Variants in PIGL observed in about 807,000 individuals in gnomAD.
PIGL encodes N-acetylglucosaminyl-phosphatidylinositol de-N-acetylase.
PIGL carries 22 observed loss-of-function variants against 31.1 expected under a neutral mutation model. That is an observed-to-expected ratio of 0.71 (90% CI 0.51 to 1.01). The LOEUF is 1.01. PIGL is among the 50% of genes least tolerant of loss of function. The pLI is 0.00. For missense variants in PIGL, 302 were observed against 315.9 expected (o/e 0.96, Z 0.33); for synonymous variants, 131 against 117.4 (o/e 1.12, Z -0.75).
intron 2 of PIGL, among the ~76,000 whole-genome samples, chr17:16,236,271 C>A (rs573080064): frequency 1.3e-5 from 2 of 152,148 alleles, no homozygotes; most frequent in Admixed American, 6.6e-5. Flanking sequence ...TAGGAAATTA[C>A]GCGTTTTTAT....
chr17:16,226,044 G>A (rs1202464474), intron 1 of PIGL, among the ~76,000 whole-genome samples: 3 of 151,770 alleles, frequency 2.0e-5, no homozygotes, highest in African/African-American at 7.3e-5. Flanking sequence ...GGTGGCAGCT[G>A]CATGTAGTCT....
intron 2 of PIGL, among the ~76,000 whole-genome samples, chr17:16,286,925 C>G (rs2142806939): frequency 6.6e-6 from 1 of 152,346 alleles, no homozygotes; most frequent in South Asian, 2.1e-4. Flanking sequence ...CTGCAGCAGT[C>G]CGAACCTCTG....
intron 2 of PIGL, among the ~76,000 whole-genome samples, chr17:16,263,500 T>G (rs560027496): frequency 2.6e-5 from 4 of 151,498 alleles, no homozygotes; most frequent in Admixed American, 6.6e-5. Flanking sequence ...ATTGGTTTTT[T>G]TTTGTTTGTT....
At chr17:16,286,325 G>A (rs2092937504) in intron 2 of PIGL, among the ~76,000 whole-genome samples, 1 of 152,266 alleles carries the variant, frequency 6.6e-6, no homozygotes, top group African/African-American at 2.4e-5. Flanking sequence ...GCAGGGCTGG[G>A]TCTGGGGGAG....
chr17:16,306,789 A>G (rs1186688892), intron 3 of PIGL, among the ~76,000 whole-genome samples: 1 of 152,074 alleles, frequency 6.6e-6, no homozygotes, highest in Non-Finnish European at 1.5e-5. Context: ...TCTGCCTCCC[A>G]AAGTGCTGTG....
intron 2 of PIGL, among the ~76,000 whole-genome samples, chr17:16,253,645 C>T (rs543283309): frequency 2.0e-5 from 3 of 151,972 alleles, no homozygotes; most frequent in East Asian, 1.9e-4. Context: ...ATTCTTGTAA[C>T]AAAAATAGGT....
At chr17:16,269,217 G>A (rs1488354178) in intron 2 of PIGL, among the ~76,000 whole-genome samples, 2 of 152,252 alleles carry the variant, frequency 1.3e-5, no homozygotes, top group Admixed American at 6.5e-5. Flanking sequence ...ATAGGGCCAT[G>A]TGGTCTGTCA....
intron 2 of PIGL, among the ~76,000 whole-genome samples, chr17:16,253,406 A>G (rs576651950): frequency 1.3e-5 from 2 of 152,322 alleles, no homozygotes; most frequent in East Asian, 3.9e-4. Flanking sequence ...TCAAAGAAAC[A>G]ATTTATAGTT....
intron 4 of PIGL, among the ~76,000 whole-genome samples, chr17:16,315,237 A>G (rs542147387): frequency 5.2e-4 from 79 of 152,328 alleles, no homozygotes; most frequent in African/African-American, 1.8e-3. Context: ...TGCTTCAGAT[A>G]AAACAATTCA....
At chr17:16,220,148 A>T (rs1006368980) in intron 1 of PIGL, among the ~76,000 whole-genome samples, 19 of 151,876 alleles carry the variant, frequency 1.3e-4, no homozygotes, top group Admixed American at 3.9e-4. Context: ...AAGAGATCAA[A>T]ACCATCTTGG....
chr17:16,264,693 C>T (rs139497089), intron 2 of PIGL, among the ~76,000 whole-genome samples: 3,192 of 151,480 alleles, frequency 0.021, 112 homozygotes, highest in African/African-American at 0.073. Flanking sequence ...AGTGCAGTGG[C>T]GTGATCTCAG....
intron 3 of PIGL, among the ~76,000 whole-genome samples, chr17:16,308,043 A>G (rs1012162358): frequency 9.2e-5 from 14 of 152,096 alleles, no homozygotes; most frequent in African/African-American, 3.1e-4. Context: ...TTTTAAAAAG[A>G]AAAGCACAAG....
intron 3 of PIGL, among the ~76,000 whole-genome samples, chr17:16,303,606 T>C (rs1191449072): frequency 6.6e-6 from 1 of 152,056 alleles, no homozygotes; most frequent in Admixed American, 6.6e-5. Flanking sequence ...TGGCATGACC[T>C]CGGCTCACTG....
chr17:16,325,494 C>T (rs540462117), intron 6 of PIGL, among the ~76,000 whole-genome samples: 1 of 152,188 alleles, frequency 6.6e-6, no homozygotes, highest in African/African-American at 2.4e-5. Flanking sequence ...ACTTGATTCA[C>T]AGGGTTGTTA....
In PIGL at chr17:16,265,438, G is replaced by C. The variant is rs151198171; in HGVS notation, c.335+31368G>C. On this transcript the variant is annotated intron_variant, in intron 2 of 6. Coordinates refer to ENST00000225609, the MANE Select transcript of PIGL (RefSeq NM_004278.4). The stretch of plus-strand genomic sequence containing the variant: ...GAGTATTAGTCCCCACAACCTAACT[G>C]GCATCAAGAATCAGGGAAACCAGAC... Among the ~76,000 whole-genome samples the C allele has an allele frequency of 3.5e-4, 53 of 152,126 alleles. No homozygotes were observed. The East Asian group carries it at 0.01, about 29-fold the overall frequency.
chr17:16,269,815 C>G (rs948873200), intron 2 of PIGL, among the ~76,000 whole-genome samples: 1 of 151,874 alleles, frequency 6.6e-6, no homozygotes, highest in African/African-American at 2.4e-5. Context: ...TTGGGAACCT[C>G]TGGGCTGGAG....
intron 2 of PIGL, among the ~76,000 whole-genome samples, chr17:16,262,723 A>G (rs968205838): frequency 7.2e-5 from 11 of 152,318 alleles, no homozygotes; most frequent in African/African-American, 2.6e-4. Flanking sequence ...GTAAATGCCT[A>G]AAAGAATTGA....
chr17:16,246,852 A>AT (rs1289740692), intron 2 of PIGL, among the ~76,000 whole-genome samples: 4 of 149,060 alleles, frequency 2.7e-5, no homozygotes, highest in South Asian at 2.2e-4. Flanking sequence ...CGCCCGGCTA[A>AT]TTTTTTTTGT....
intron 1 of PIGL, among the ~76,000 whole-genome samples, chr17:16,225,728 G>A (rs1161758604): frequency 2.0e-5 from 3 of 151,798 alleles, no homozygotes; most frequent in African/African-American, 7.3e-5. Context: ...GCTTCAGCCA[G>A]GTAGCTAAGG....
Sources: gnomAD v4.1 joint callset for allele counts (sites outside exome capture counted in the v4.1 genomes callset) on GRCh38, gnomAD v4.1.1 for gene constraint, MANE v1.5 for transcripts, NCBI Gene and HGNC (gene_info 2026-07-23, HGNC 2026-07-21) for gene names.